The following CLGN variants were observed in gnomAD, a reference collection of about 807,000 sequenced individuals.
The protein encoded by CLGN is calmegin.
CLGN carries 62 observed loss-of-function variants against 79.1 expected under a neutral mutation model. The observed-to-expected ratio is 0.78, with a 90% CI of 0.64 to 0.97. The LOEUF is 0.97. Among genes scored for constraint, CLGN ranks in the 50% least tolerant of loss-of-function variants. The probability of loss-of-function intolerance (pLI) is 0.00; values close to 1 mark genes in which losing one functional copy is unlikely to be tolerated. For synonymous variants in CLGN, 225 were observed against 224.7 expected (o/e 1.00, Z -0.01); for missense variants, 647 against 715.5 (o/e 0.90, Z 1.09).
chr4:140,424,914 T>C (rs2126636713), intron 1 of CLGN, among the ~76,000 whole-genome samples: 1 of 152,344 alleles, frequency 6.6e-6, no homozygotes, highest in East Asian at 1.9e-4. Flanking sequence ...CTTTGAAATC[T>C]AGATCAAGTA....
At position 140,388,495 on chromosome 4, in the gene CLGN, G is replaced by A. The variant is rs749917866; in HGVS notation, c.*729C>T. On this transcript the variant is annotated 3_prime_UTR_variant, in exon 15 of 15. Transcript: ENST00000325617. ...TTTAAATTTTATTTTCAATAGCAATGTATGCATAAGAAATTTTGTGAATGG... is the reference window on the plus strand; with the variant it reads ...TTTAAATTTTATTTTCAATAGCAATATATGCATAAGAAATTTTGTGAATGG... 8.6e-5 allele frequency: 13 copies of A among 151,660 alleles called. No individual in the cohort carries two copies. Among genetic ancestry groups the A allele is most frequent in the Non-Finnish European group, 1.6e-4 (11 of 67,752 alleles). The allele number at this position is 151,660 out of a possible 1,614,324, so 9.4% of individuals were successfully genotyped here.
chr4:140,396,925 A>G (rs1467045282), intron 8 of CLGN, among the ~76,000 whole-genome samples: 2 of 128,620 alleles, frequency 1.6e-5, no homozygotes, highest in African/African-American at 6.3e-5. Context: ...ATATATATAC[A>G]CATATATATA....
rs185943318 is a variant in CLGN at position 140,411,408 on chromosome 4, G to C, written c.145-782C>G. On this transcript the variant is annotated intron_variant, in intron 2 of 14. Coordinates refer to ENST00000325617, the MANE Select transcript of CLGN (RefSeq NM_004362.3). ...AATTTACCAACAAAATAATTTAAAA[G>C]AGTAAAGACTGATAAACTATCAAGA... 4.4e-3 allele frequency among the ~76,000 whole-genome samples: 663 copies of C among 152,108 alleles called. 5 individuals are homozygous for C. Among genetic ancestry groups the C allele is most frequent in the African/African-American group, 0.014 (590 of 41,526 alleles).
intron 1 of CLGN, among the ~76,000 whole-genome samples, chr4:140,417,648 T>C (rs1483452509): frequency 1.3e-5 from 2 of 151,634 alleles, no homozygotes; most frequent in African/African-American, 4.8e-5. Flanking sequence ...TTACAAGGGA[T>C]GTGAAGGACC....
At chr4:140,406,335 G>A (rs1200213037) in intron 4 of CLGN, among the ~76,000 whole-genome samples, 1 of 151,936 alleles carries the variant, frequency 6.6e-6, no homozygotes, top group Non-Finnish European at 1.5e-5. Flanking sequence ...GTCTAATTAA[G>A]TCACTCTTAA....
chr4:140,399,130 A>G (rs1728949548), intron 7 of CLGN, 90 bp from the exon 8 acceptor site: 1 of 1,073,630 alleles, frequency 9.3e-7, no homozygotes, highest in East Asian at 2.8e-5. Flanking sequence ...CCTTAACTCC[A>G]TGGGTAAAGC....
At position 140,406,082 on chromosome 4, in the gene CLGN, T is replaced by G; in HGVS notation, c.279A>C (p.Gly93=). The change falls in exon 5 of 15, where the codon GGA becomes GGC. Residue 93 remains glycine, a splice_region_variant and synonymous_variant. Coordinates refer to ENST00000325617, the MANE Select transcript of CLGN (RefSeq NM_004362.3). ...CTTTCAACTCTTCAATTTCCCATCTTCCTAAAAAATAAAGCAAAGCAAATT... is the reference window on the plus strand; with the variant it reads ...CTTTCAACTCTTCAATTTCCCATCTGCCTAAAAAATAAAGCAAAGCAAATT... The part of the protein sequence containing the change: ...DMDEEISIYD[G]RWEIEELKEN... 6.2e-7 allele frequency: 1 copy of G among 1,610,736 alleles called. No individual in the cohort carries two copies. The highest frequency in any genetic ancestry group is 8.5e-7 in the Non-Finnish European group (1 of 1,178,988).
chr4:140,391,922 C>A (rs966042882), intron 13 of CLGN, among the ~76,000 whole-genome samples: 1 of 151,888 alleles, frequency 6.6e-6, no homozygotes, highest in Non-Finnish European at 1.5e-5. Flanking sequence ...ATCTTCTACA[C>A]TCCCAGAGCC....
Position 140,413,363 on chromosome 4 carries a change from C to T in CLGN, c.-9-276G>A, listed in dbSNP as rs1000374823. Reference sequence around the variant, plus strand: ...AGATGGGGGGAGGAGCCAAGATGGCCGAATAGGAACAGCTCCCGTCTACAG... The same window carrying T: ...AGATGGGGGGAGGAGCCAAGATGGCTGAATAGGAACAGCTCCCGTCTACAG... On this transcript the variant is annotated intron_variant, in intron 1 of 14. Transcript: ENST00000325617. 5.3e-5 allele frequency among the ~76,000 whole-genome samples: 8 copies of T among 152,182 alleles called. No homozygotes were observed. In the East Asian group the frequency reaches 7.7e-4, roughly 15 times the overall value.
chr4:140,416,851 G>A (rs569299745), intron 1 of CLGN, among the ~76,000 whole-genome samples: 5 of 150,904 alleles, frequency 3.3e-5, no homozygotes, highest in Non-Finnish European at 7.4e-5. Flanking sequence ...CTCATTTTAT[G>A]AGGCCAGCAT....
rs1301549169 is a variant in CLGN at position 140,418,054 on chromosome 4, T to C, written c.-9-4967A>G. 1.3e-4 allele frequency among the ~76,000 whole-genome samples: 19 copies of C among 151,990 alleles called. No homozygotes were observed. The East Asian group carries it at 3.7e-3, about 29-fold the overall frequency. On this transcript the variant is annotated intron_variant, in intron 1 of 14. Transcript: ENST00000325617. ...GCCCTCAGAAATAACGCCGCATATCTACAACTATCTGATCTTTGACAAACC... is the reference window on the plus strand; with the variant it reads ...GCCCTCAGAAATAACGCCGCATATCCACAACTATCTGATCTTTGACAAACC...
chr4:140,394,087 T>G (rs1403014768), intron 10 of CLGN, 46 bp from the exon 11 acceptor site: 1 of 1,364,380 alleles, frequency 7.3e-7, no homozygotes, highest in Non-Finnish European at 1.0e-6. Flanking sequence ...AATAACTTCA[T>G]TATAAATGCT....
At chr4:140,394,806 T>C (rs1271129432) in intron 10 of CLGN, among the ~76,000 whole-genome samples, 1 of 152,122 alleles carries the variant, frequency 6.6e-6, no homozygotes, top group Non-Finnish European at 1.5e-5. Flanking sequence ...ATTACAAAGA[T>C]AAAACTAGAG....
chr4:140,389,612 A>T (rs181852106), intron 14 of CLGN, among the ~76,000 whole-genome samples: 78 of 151,932 alleles, frequency 5.1e-4, no homozygotes, highest in Non-Finnish European at 9.9e-4. Flanking sequence ...AAATGACTGC[A>T]GGTATTATTT....
intron 4 of CLGN, among the ~76,000 whole-genome samples, chr4:140,409,556 TG>T (rs146171868): frequency 0.021 from 3,184 of 152,106 alleles, 46 homozygotes; most frequent in Middle Eastern, 0.068. Flanking sequence ...AGCAGTAGCC[TG>T]GGAAATACTG....
At position 140,392,605 on chromosome 4, in the gene CLGN, C is replaced by A. The variant is rs776190095; in HGVS notation, c.1472G>T (p.Cys491Phe). The A allele has an allele frequency of 2.4e-5, 38 of 1,596,500 alleles. No homozygotes were observed. Among genetic ancestry groups the A allele is most frequent in the Non-Finnish European group, 3.1e-5 (36 of 1,175,162 alleles). ...GVPIALITSF[C>F]WPRKVKKKHK... The stretch of plus-strand genomic sequence containing the variant: ...CTTTACCTTTACTTTTCTTGGCCAA[C>A]AAAATGAAGTAATTAATGCTATTGG... The change falls in exon 12 of 15, where the codon TGT becomes TTT. Residue 491 changes from cysteine (C) to phenylalanine (F), a missense_variant. Cys to Phe is a radical substitution (Grantham distance 205). Coordinates refer to ENST00000325617, the MANE Select transcript of CLGN (RefSeq NM_004362.3).
At chr4:140,396,907 G>GTGTATA (rs1553944650) in intron 8 of CLGN, among the ~76,000 whole-genome samples, 12 of 117,348 alleles carry the variant, frequency 1.0e-4, no homozygotes, top group African/African-American at 3.7e-4. Context: ...ATATATATAT[G>GTGTATA]TATATATATA....
chr4:140,418,075 A>G (rs1729380964), intron 1 of CLGN, among the ~76,000 whole-genome samples: 1 of 151,450 alleles, frequency 6.6e-6, no homozygotes, highest in Admixed American at 6.6e-5. Context: ...GATCTTTGAC[A>G]AACCTGAGAA....
At chr4:140,398,580 T>G (rs1176663005) in intron 8 of CLGN, among the ~76,000 whole-genome samples, 1 of 152,002 alleles carries the variant, frequency 6.6e-6, no homozygotes, top group South Asian at 2.1e-4. Flanking sequence ...GCACTGGTAT[T>G]TTGGATTTAT....
Sources: gnomAD v4.1 joint callset for allele counts (sites outside exome capture counted in the v4.1 genomes callset) on GRCh38, gnomAD v4.1.1 for gene constraint, MANE v1.5 for transcripts, NCBI Gene and HGNC (gene_info 2026-07-23, HGNC 2026-07-21) for gene names.